DIAPH2: variants seen among roughly 807,000 people sequenced by gnomAD.
DIAPH2 encodes the protein protein diaphanous homolog 2.
Under a neutral mutation model 92.7 loss-of-function variants are expected in DIAPH2, and 35 were observed. The ratio of observed to expected loss-of-function variants is 0.38; its 90% CI spans 0.29 to 0.50. The LOEUF (loss-of-function observed/expected upper bound fraction) is 0.50, where lower values mean the gene tolerates loss of function less well. DIAPH2 is among the 20% of genes least tolerant of loss of function. DIAPH2 has a pLI of 0.94. For synonymous variants in DIAPH2, 301 were observed against 280.4 expected (o/e 1.07, Z -0.73); for missense variants, 701 against 819.5 (o/e 0.86, Z 1.77).
intron 22 of DIAPH2, among the ~76,000 whole-genome samples, chrX:97,236,091 G>A (rs1026124950): frequency 9.0e-6 from 1 of 111,596 alleles, no homozygotes; most frequent in Admixed American, 9.6e-5. Flanking sequence ...ACACTAATGT[G>A]GAATGGACTC....
chrX:96,758,402 C>G (rs1337110147), intron 4 of DIAPH2, 144 bp downstream of exon 4: 2 of 358,043 alleles, frequency 5.6e-6, no homozygotes, highest in Non-Finnish European at 9.5e-6. Flanking sequence ...ATATGTTATA[C>G]ATTTAGTATT....
chrX:96,687,481 C>G (rs1031255095), intron 1 of DIAPH2, among the ~76,000 whole-genome samples: 1 of 109,106 alleles, frequency 9.2e-6, no homozygotes, highest in African/African-American at 3.3e-5. Flanking sequence ...GCTCTGTTGC[C>G]ATGGCTGGAG....
intron 4 of DIAPH2, among the ~76,000 whole-genome samples, chrX:96,852,706 C>G (rs1216724233): frequency 9.0e-6 from 1 of 111,258 alleles, no homozygotes; most frequent in Admixed American, 9.6e-5. Context: ...TTTATTTTGC[C>G]CTTCCAATCC....
intron 5 of DIAPH2, chrX:96,884,193 C>A: frequency 3.6e-6 from 2 of 561,951 alleles, no homozygotes; most frequent in Non-Finnish European, 5.6e-6. Flanking sequence ...CGTAGCCTTT[C>A]GGACAGCTCG....
chrX:97,263,696 C>T (rs763962081), intron 23 of DIAPH2, among the ~76,000 whole-genome samples: 16 of 109,045 alleles, frequency 1.5e-4, no homozygotes, highest in East Asian at 2.9e-4. Context: ...AAGCGATTTT[C>T]CTGCCTCAGC....
intron 1 of DIAPH2, among the ~76,000 whole-genome samples, chrX:96,727,460 C>G (rs1355076575): frequency 9.0e-6 from 1 of 111,583 alleles, no homozygotes; most frequent in Non-Finnish European, 1.9e-5. Flanking sequence ...GTACTTGAAC[C>G]ATTTGTTTCA....
chrX:97,569,898 C>G (rs1342865925), intron 26 of DIAPH2, among the ~76,000 whole-genome samples: 3 of 104,900 alleles, frequency 2.9e-5, no homozygotes, highest in Non-Finnish European at 5.9e-5. Context: ...AGTTTCATAT[C>G]TTTGTTGTGT....
chrX:96,769,602 G>A (rs1029340916), intron 4 of DIAPH2, among the ~76,000 whole-genome samples: 1 of 111,592 alleles, frequency 9.0e-6, no homozygotes, highest in African/African-American at 3.3e-5. Context: ...AGAGAAGAGT[G>A]AATCATTTTG....
At chrX:97,263,219 C>G (rs2097476091) in intron 23 of DIAPH2, among the ~76,000 whole-genome samples, 1 of 111,479 alleles carries the variant, frequency 9.0e-6, no homozygotes, top group Non-Finnish European at 1.9e-5. Flanking sequence ...TCAAAATGTC[C>G]CTATTAAGTT....
At position 97,072,985 on chromosome X, in the gene DIAPH2, A is replaced by G; in HGVS notation, c.2095A>G (p.Thr699Ala). 1 of 1,204,528 alleles carries G rather than the reference A, an allele frequency of 8.3e-7. No homozygotes were observed. The change falls in exon 18 of 27, where the codon ACA (threonine) becomes GCA (alanine). Residue 699 changes from threonine (T) to alanine (A), a missense_variant. Thr to Ala is a moderately conservative substitution (Grantham distance 58). Around this residue, in one of 3 missense-constraint regions of DIAPH2, gnomAD observed 536 missense variants for 599.3 expected, o/e 0.89. Coordinates refer to ENST00000324765, the MANE Select transcript of DIAPH2 (RefSeq NM_006729.5). The stretch of plus-strand genomic sequence containing the variant: ...ATTAGAAGAAAAGAAGACTGGGCCT[A>G]CAAAGAAGAAAGTGAAAGAACTGAG... ...EALEEKKTGP[T>A]KKKVKELRIL...
intron 4 of DIAPH2, among the ~76,000 whole-genome samples, chrX:96,794,489 A>T (rs1425674230): frequency 1.2e-4 from 13 of 107,065 alleles, no homozygotes; most frequent in Non-Finnish European, 1.9e-4. Flanking sequence ...ACATTAAAAT[A>T]ACACAAAGCC....
rs138057954 is a variant in DIAPH2, at chrX:97,082,610, C to T, written c.2247+7349C>T. Among the ~76,000 whole-genome samples the T allele has an allele frequency of 7.4e-3, 816 of 110,842 alleles. 6 individuals are homozygous for T. Among genetic ancestry groups the T allele is most frequent in the African/African-American group, 0.025 (771 of 30,459 alleles). Reference sequence around the variant, plus strand: ...TCACACCACTGCACTCCAGCCTGGGCGACAGAGCGAGACTCCATCTCAAAA... The same window carrying T: ...TCACACCACTGCACTCCAGCCTGGGTGACAGAGCGAGACTCCATCTCAAAA... On this transcript the variant is annotated intron_variant, in intron 19 of 26. Coordinates refer to ENST00000324765, the MANE Select transcript of DIAPH2 (RefSeq NM_006729.5).
chrX:96,768,226 C>A (rs1414023595), intron 4 of DIAPH2, among the ~76,000 whole-genome samples: 1 of 111,946 alleles, frequency 8.9e-6, no homozygotes, highest in African/African-American at 3.2e-5. Flanking sequence ...TGGAAAATAG[C>A]AAACATTGTA....
At chrX:96,841,857 A>G (rs1264750227) in intron 4 of DIAPH2, among the ~76,000 whole-genome samples, 2 of 111,691 alleles carry the variant, frequency 1.8e-5, no homozygotes, top group Non-Finnish European at 3.8e-5. Flanking sequence ...AGAGTCAGCT[A>G]AAGGAGTTAG....
chrX:97,181,686 A>G (rs1052539063), intron 22 of DIAPH2, among the ~76,000 whole-genome samples: 1 of 112,736 alleles, frequency 8.9e-6, no homozygotes, highest in Non-Finnish European at 1.9e-5. Context: ...CTGGGATTAC[A>G]GGCGTGAGCC....
chrX:97,514,831 A>G (rs189659371), intron 26 of DIAPH2, among the ~76,000 whole-genome samples: 5,028 of 110,849 alleles, frequency 0.045, 284 homozygotes, highest in African/African-American at 0.16. Flanking sequence ...CGGGGGTCAG[A>G]GGTCAGGGAC....
chrX:97,525,653 C>G (rs1160536204), intron 26 of DIAPH2, among the ~76,000 whole-genome samples: 2 of 112,297 alleles, frequency 1.8e-5, no homozygotes, highest in Non-Finnish European at 3.8e-5. Flanking sequence ...AAAGAACAAA[C>G]AGCAAACAAA....
intron 15 of DIAPH2, chrX:96,954,239 T>G (rs1021749292): frequency 8.9e-6 from 1 of 112,202 alleles, no homozygotes; most frequent in African/African-American, 3.2e-5. Flanking sequence ...TCTGTTAATC[T>G]AATGTCGTAT....
chrX:97,246,557 AG>A (rs2068144109), intron 22 of DIAPH2, among the ~76,000 whole-genome samples: 1 of 112,190 alleles, frequency 8.9e-6, no homozygotes, highest in Admixed American at 9.5e-5. Flanking sequence ...TGTATATTTA[AG>A]GTGATTTCTC....
Sources: allele counts gnomAD v4.1 joint callset (sites outside exome capture counted in the v4.1 genomes callset), GRCh38; gene constraint gnomAD v4.1.1; regional missense constraint gnomAD v4.1.1; transcripts MANE v1.5; gene names NCBI Gene and HGNC (gene_info 2026-07-23, HGNC 2026-07-21).